Variants in ATP6V1G3 observed in about 807,000 individuals in gnomAD.
ATP6V1G3 encodes V-type proton ATPase subunit G 3.
A neutral mutation model predicts 9.3 loss-of-function variants in ATP6V1G3; 9 were observed. That is an observed-to-expected ratio of 0.97 (90% CI 0.59 to 1.69). ATP6V1G3 has a LOEUF of 1.69. Among genes scored for constraint, ATP6V1G3 ranks in the 40% most tolerant of loss-of-function variants. ATP6V1G3 has a pLI of 0.00. For missense variants in ATP6V1G3, 133 were observed against 139.0 expected, an observed-to-expected ratio of 0.96 and a Z score of 0.22; for synonymous variants, 43 against 43.8, an observed-to-expected ratio of 0.98 and a Z score of 0.07.
intron 1 of ATP6V1G3, among the ~76,000 whole-genome samples, chr1:198,532,068 T>C (rs964592696): frequency 2.0e-5 from 3 of 151,962 alleles, no homozygotes; most frequent in African/African-American, 7.3e-5. Flanking sequence ...GGATATTTAA[T>C]TGGAGGTATG....
intron 1 of ATP6V1G3, among the ~76,000 whole-genome samples, chr1:198,534,579 T>C (rs1660032210): frequency 6.6e-6 from 1 of 152,080 alleles, no homozygotes; most frequent in Non-Finnish European, 1.5e-5. Context: ...GCAAGGAGCA[T>C]AGAGAAAACA....
At chr1:198,538,203 G>T (rs144068469) in intron 1 of ATP6V1G3, among the ~76,000 whole-genome samples, 14 of 152,212 alleles carry the variant, frequency 9.2e-5, no homozygotes, top group Admixed American at 8.5e-4. Flanking sequence ...AAATATGCAG[G>T]TATTTTAAGT....
upstream of ATP6V1G3, chr1:198,540,945 A>C: frequency 2.7e-6 from 1 of 369,378 alleles, no homozygotes; most frequent in South Asian, 4.5e-5. Context: ...CTACTTATAA[A>C]TAATGAATAA....
intron 1 of ATP6V1G3, among the ~76,000 whole-genome samples, chr1:198,536,168 G>A (rs1660104628): frequency 6.6e-6 from 1 of 152,166 alleles, no homozygotes; most frequent in Non-Finnish European, 1.5e-5. Context: ...AGTTCTTTAT[G>A]TGATGTTGAA....
At chr1:198,535,111 G>A (rs1267756374) in intron 1 of ATP6V1G3, among the ~76,000 whole-genome samples, 1 of 152,020 alleles carries the variant, frequency 6.6e-6, no homozygotes, top group Non-Finnish European at 1.5e-5. Flanking sequence ...ATAACCAAAT[G>A]CTATTAATAG....
intron 1 of ATP6V1G3, among the ~76,000 whole-genome samples, chr1:198,533,628 T>A (rs145433424): frequency 3.3e-5 from 5 of 152,326 alleles, no homozygotes; most frequent in Admixed American, 3.3e-4. Context: ...GGTGTTTATA[T>A]GAACTTAGAG....
intron 1 of ATP6V1G3, among the ~76,000 whole-genome samples, chr1:198,535,817 G>A (rs952376702): frequency 6.6e-6 from 1 of 152,126 alleles, no homozygotes; most frequent in Non-Finnish European, 1.5e-5. Context: ...CAGCTAATAA[G>A]AAGCAGAAGT....
intron 1 of ATP6V1G3, among the ~76,000 whole-genome samples, chr1:198,531,378 A>C (rs1207285635): frequency 6.6e-6 from 1 of 152,240 alleles, no homozygotes; most frequent in Non-Finnish European, 1.5e-5. Context: ...TCTGTGTGTA[A>C]GAATTTGGCA....
At chr1:198,537,307 T>C (rs1303579586) in intron 1 of ATP6V1G3, among the ~76,000 whole-genome samples, 1 of 152,222 alleles carries the variant, frequency 6.6e-6, no homozygotes, top group Admixed American at 6.5e-5. Context: ...TATATTAATA[T>C]TTTTTCAGCA....
intron 2 of ATP6V1G3, 76 bp from the exon 3 acceptor site, chr1:198,523,640 C>T (rs1261229365): frequency 2.2e-6 from 3 of 1,386,550 alleles, no homozygotes; most frequent in Non-Finnish European, 2.0e-6. Flanking sequence ...AGCCTGTTTA[C>T]TGATGATTGT....
At chr1:198,531,940 C>T (rs1175779410) in intron 1 of ATP6V1G3, among the ~76,000 whole-genome samples, 1 of 151,728 alleles carries the variant, frequency 6.6e-6, no homozygotes, top group African/African-American at 2.4e-5. Flanking sequence ...GGGTCCAATT[C>T]CTAGGGGCCT....
chr1:198,537,853 A>C (rs1053091122), intron 1 of ATP6V1G3, among the ~76,000 whole-genome samples: 1 of 152,242 alleles, frequency 6.6e-6, no homozygotes, highest in African/African-American at 2.4e-5. Flanking sequence ...AATGAAACAA[A>C]AACCACTGAA....
At position 198,529,171 on chromosome 1, in the gene ATP6V1G3, CT is replaced by C; in HGVS notation, c.92del (p.Lys31SerfsTer3). 1 of 1,348,648 alleles carries C rather than the reference CT, an allele frequency of 7.4e-7. No homozygotes were observed. The highest frequency in any genetic ancestry group is 2.1e-5 in the South Asian group (1 of 47,310). The allele number at this position is 1,348,648 out of a possible 1,614,324, so 83.5% of individuals were successfully genotyped here. ...KLEEAKKRKG[K>X]RLKQAKEEAM... ...CTTCCTCCTTGGCTTGCTTCAATCG[CT>C]TTCCTTTTCCTGAAAATTAACAAAT... On this transcript the variant is annotated frameshift_variant, in exon 2 of 3. Coordinates refer to ENST00000367382, the MANE Select transcript of ATP6V1G3 (RefSeq NM_001376861.1). LOFTEE classifies it high-confidence loss of function.
intron 1 of ATP6V1G3, chr1:198,536,849 G>A (rs1660133929): frequency 1.3e-6 from 1 of 765,762 alleles, no homozygotes; most frequent in Non-Finnish European, 2.0e-6. Context: ...TAACTCTAGT[G>A]TGTATTTTGC....
At chr1:198,535,553 G>T (rs759672188) in intron 1 of ATP6V1G3, among the ~76,000 whole-genome samples, 14 of 151,748 alleles carry the variant, frequency 9.2e-5, no homozygotes, top group Non-Finnish European at 1.5e-4. Flanking sequence ...GCCTCATAGT[G>T]GACCATGCTT....
chr1:198,536,438 T>A (rs568887527), intron 1 of ATP6V1G3, among the ~76,000 whole-genome samples: 1 of 152,332 alleles, frequency 6.6e-6, no homozygotes, highest in African/African-American at 2.4e-5. Flanking sequence ...GATGTTTAGG[T>A]AACTTGTCTT....
At position 198,523,511 on chromosome 1, in the gene ATP6V1G3, C is replaced by T. The variant is rs777772213; in HGVS notation, c.237G>A (p.Gly79=). ...AGTGTCCATTAAGTTCTTGTATCTT[C>T]CCTAGTGTTTGTTCTTCTATTTCAT... ...LSDEIEEQTL[G]KIQELNGHYN... Residue 79 remains glycine, a synonymous_variant, in exon 3 of 3, where the codon GGG becomes GGA. Transcript: ENST00000367382. 1 of 1,613,556 alleles carries T rather than the reference C, an allele frequency of 6.2e-7. No homozygotes were observed. Among genetic ancestry groups the T allele is most frequent in the South Asian group, 1.1e-5 (1 of 91,052 alleles).
chr1:198,533,003 T>C (rs2103138799), intron 1 of ATP6V1G3, among the ~76,000 whole-genome samples: 1 of 152,200 alleles, frequency 6.6e-6, no homozygotes, highest in South Asian at 2.1e-4. Flanking sequence ...TAATACTACT[T>C]GTAATTTAAA....
At chr1:198,534,111 C>G (rs1026760775) in intron 1 of ATP6V1G3, among the ~76,000 whole-genome samples, 2 of 152,008 alleles carry the variant, frequency 1.3e-5, no homozygotes, top group African/African-American at 4.8e-5. Context: ...TTTAATTGTG[C>G]CCCCCGAAAA....
Sources: allele counts gnomAD v4.1 joint callset (sites outside exome capture counted in the v4.1 genomes callset), GRCh38; gene constraint gnomAD v4.1.1; transcripts MANE v1.5; gene names NCBI Gene and HGNC (gene_info 2026-07-23, HGNC 2026-07-21).